IL1RAPL1: variants seen among roughly 807,000 people sequenced by gnomAD.
IL1RAPL1 encodes the protein interleukin 1 receptor accessory protein like 1.
Under a neutral mutation model 48.4 loss-of-function variants are expected in IL1RAPL1, and 3 were observed. The ratio of observed to expected loss-of-function variants is 0.06; its 90% CI spans 0.03 to 0.16. The LOEUF (loss-of-function observed/expected upper bound fraction) is 0.16, where lower values mean the gene tolerates loss of function less well. Ranked by LOEUF, IL1RAPL1 falls within the 10% of genes least tolerant of loss-of-function variation. The pLI, the probability that IL1RAPL1 is intolerant of heterozygous loss-of-function variation, is 1.00. For synonymous variants in IL1RAPL1, 185 were observed against 187.7 expected (o/e 0.99, Z 0.12); for missense variants, 349 against 530.6 (o/e 0.66, Z 3.36).
intron 5 of IL1RAPL1, among the ~76,000 whole-genome samples, chrX:29,425,676 C>CTCAA (rs1934342047): frequency 9.0e-6 from 1 of 111,217 alleles, no homozygotes; most frequent in Non-Finnish European, 1.9e-5. Flanking sequence ...GCCTCCTGGG[C>CTCAA]TCAAGCAATC....
intron 2 of IL1RAPL1, among the ~76,000 whole-genome samples, chrX:28,797,307 C>T (rs751670690): frequency 1.8e-5 from 2 of 112,001 alleles, no homozygotes; most frequent in Non-Finnish European, 3.8e-5. Context: ...TTTCTGCAGC[C>T]AGCTTGAATT....
chrX:29,605,427 C>T (rs1923863038), intron 5 of IL1RAPL1, among the ~76,000 whole-genome samples: 1 of 110,727 alleles, frequency 9.0e-6, no homozygotes, highest in African/African-American at 3.3e-5. Context: ...GGTAAGGCTT[C>T]ACTCATTGTT....
chrX:29,543,889 T>C (rs1382267383), intron 5 of IL1RAPL1, among the ~76,000 whole-genome samples: 2 of 111,019 alleles, frequency 1.8e-5, no homozygotes, highest in Non-Finnish European at 3.8e-5. Flanking sequence ...TCTATAGAAC[T>C]TAATGCAGAT....
chrX:29,525,571 T>C (rs1008713896), intron 5 of IL1RAPL1, among the ~76,000 whole-genome samples: 17 of 111,672 alleles, frequency 1.5e-4, no homozygotes, highest in African/African-American at 5.2e-4. Context: ...TTTGAGCAGG[T>C]TGAATAAGCT....
intron 2 of IL1RAPL1, among the ~76,000 whole-genome samples, chrX:28,833,373 G>A (rs1921120075): frequency 8.9e-6 from 1 of 111,789 alleles, no homozygotes. Flanking sequence ...TGGTAGTTCT[G>A]TTTTAAGATC....
chrX:28,887,214 T>C (rs1209196578), intron 2 of IL1RAPL1, among the ~76,000 whole-genome samples: 2 of 110,699 alleles, frequency 1.8e-5, no homozygotes, highest in Non-Finnish European at 3.8e-5. Flanking sequence ...ATTAAAGAGG[T>C]TACACTCAGT....
chrX:28,839,869 G>T (rs1384395469), intron 2 of IL1RAPL1, among the ~76,000 whole-genome samples: 2 of 104,990 alleles, frequency 1.9e-5, no homozygotes, highest in Non-Finnish European at 3.8e-5. Flanking sequence ...CATGACATCA[G>T]TTACCTCTGT....
At chrX:29,307,357 C>A (rs771376170) in intron 3 of IL1RAPL1, among the ~76,000 whole-genome samples, 88 of 111,892 alleles carry the variant, frequency 7.9e-4, no homozygotes, top group Middle Eastern at 4.6e-3. Context: ...TTTCAGAAGT[C>A]ATGACTTTAT....
chrX:29,565,811 T>C (rs1922381713), intron 5 of IL1RAPL1, among the ~76,000 whole-genome samples: 1 of 111,985 alleles, frequency 8.9e-6, no homozygotes, highest in Non-Finnish European at 1.9e-5. Flanking sequence ...AGGGAAAAAT[T>C]AACATCAAAA....
In IL1RAPL1 at chrX:29,954,641, C is replaced by A; in HGVS notation, c.1321C>A (p.His441Asn). 1 of 1,202,757 alleles carries A rather than the reference C, an allele frequency of 8.3e-7. No individual in the cohort carries two copies. The highest frequency in any genetic ancestry group is 1.1e-6 in the Non-Finnish European group (1 of 887,403). The change falls in exon 10 of 11, where the codon CAT (histidine) becomes AAT (asparagine). Residue 441 changes from histidine (H) to asparagine (N), a missense_variant. His to Asn is a moderately conservative substitution (Grantham distance 68). Around this residue, in one of 3 missense-constraint regions of IL1RAPL1, gnomAD observed 238 missense variants for 337.8 expected, o/e 0.70. Transcript: ENST00000378993. ...LEILPDMLEK[H>N]YGYKLFIPDR... ...AATCCTACCTGATATGCTTGAAAAGCATTATGGATATAAGTTGTTTATACC... is the reference window on the plus strand; with the variant it reads ...AATCCTACCTGATATGCTTGAAAAGAATTATGGATATAAGTTGTTTATACC...
chrX:28,915,847 AT>A (rs928385340), intron 2 of IL1RAPL1, among the ~76,000 whole-genome samples: 4 of 110,343 alleles, frequency 3.6e-5, no homozygotes, highest in African/African-American at 6.6e-5. Flanking sequence ...CAACATATTC[AT>A]TTTTTTTAAC....
intron 5 of IL1RAPL1, among the ~76,000 whole-genome samples, chrX:29,454,027 T>C (rs1340215802): frequency 8.9e-6 from 1 of 112,259 alleles, no homozygotes; most frequent in African/African-American, 3.2e-5. Context: ...AATAAAGATC[T>C]GTACCTTTCA....
intron 2 of IL1RAPL1, among the ~76,000 whole-genome samples, chrX:29,062,162 A>G (rs1187743526): frequency 8.9e-6 from 1 of 112,169 alleles, no homozygotes; most frequent in Non-Finnish European, 1.9e-5. Context: ...TAATTTGAAG[A>G]TTTTTCACTA....
At chrX:28,875,599 G>A (rs770024114) in intron 2 of IL1RAPL1, among the ~76,000 whole-genome samples, 2 of 111,720 alleles carry the variant, frequency 1.8e-5, no homozygotes, top group East Asian at 2.8e-4. Context: ...GATGGGGCTT[G>A]GTGGGATGGG....
intron 2 of IL1RAPL1, among the ~76,000 whole-genome samples, chrX:29,106,460 A>T (rs767748989): frequency 6.3e-5 from 7 of 111,926 alleles, no homozygotes; most frequent in Non-Finnish European, 1.3e-4. Context: ...TTTTTTCTAA[A>T]ATATTCTGGA....
At position 29,666,856 on chromosome X, in the gene IL1RAPL1, T is replaced by C. The variant is rs918817826; in HGVS notation, c.704-1574T>C. Reference sequence around the variant, plus strand: ...CATAATTTACTGAATACAACACTTATTTAGATACCATAGTTGCTTTTGAAA... The same window carrying C: ...CATAATTTACTGAATACAACACTTACTTAGATACCATAGTTGCTTTTGAAA... On this transcript the variant is annotated intron_variant, in intron 5 of 10. Transcript: ENST00000378993. Among the ~76,000 whole-genome samples the C allele has an allele frequency of 7.2e-5, 8 of 111,519 alleles. No homozygotes were observed. The East Asian group carries it at 1.7e-3, about 24-fold the overall frequency.
At chrX:29,358,603 GT>G (rs1933335842) in intron 3 of IL1RAPL1, among the ~76,000 whole-genome samples, 1 of 110,412 alleles carries the variant, frequency 9.1e-6, no homozygotes. Flanking sequence ...ACAATATGAT[GT>G]TTTAATATAT....
chrX:29,927,968 T>C (rs368173532), intron 8 of IL1RAPL1, among the ~76,000 whole-genome samples: 5 of 75,122 alleles, frequency 6.7e-5, no homozygotes, highest in Non-Finnish European at 1.3e-4. Context: ...GGAAAGACCA[T>C]AGACCATAGC....
intron 5 of IL1RAPL1, among the ~76,000 whole-genome samples, chrX:29,653,008 G>A (rs1273563127): frequency 8.9e-6 from 1 of 111,878 alleles, no homozygotes; most frequent in Non-Finnish European, 1.9e-5. Flanking sequence ...TAGGACCATG[G>A]TATTGCTTTG....
Sources: allele counts gnomAD v4.1 joint callset (sites outside exome capture counted in the v4.1 genomes callset), GRCh38; gene constraint gnomAD v4.1.1; regional missense constraint gnomAD v4.1.1; transcripts MANE v1.5; gene names NCBI Gene and HGNC (gene_info 2026-07-23, HGNC 2026-07-21).